The following TARS3 variants were observed in gnomAD, a reference collection of about 807,000 sequenced individuals.
The protein encoded by TARS3 is threonyl-tRNA synthetase 3.
In TARS3, 94 loss-of-function variants were observed where a neutral mutation model predicts 103.5. That is an observed-to-expected ratio of 0.91 (90% CI 0.77 to 1.08). The LOEUF (loss-of-function observed/expected upper bound fraction) is 1.08, where lower values mean the gene tolerates loss of function less well. TARS3 is among the 50% of genes least tolerant of loss of function. The pLI is 0.00. For synonymous variants in TARS3, 416 were observed against 355.4 expected, an observed-to-expected ratio of 1.17 and a Z score of -1.92; for missense variants, 952 against 995.2, an observed-to-expected ratio of 0.96 and a Z score of 0.58.
chr15:101,688,853 G>C (rs888429305), intron 10 of TARS3, among the ~76,000 whole-genome samples: 1 of 152,154 alleles, frequency 6.6e-6, no homozygotes, highest in Non-Finnish European at 1.5e-5. Flanking sequence ...TCTAGGCTTC[G>C]CATTACTAAG....
chr15:101,659,568 T>C (rs1379815045), intron 16 of TARS3, among the ~76,000 whole-genome samples: 1 of 152,188 alleles, frequency 6.6e-6, no homozygotes, highest in Non-Finnish European at 1.5e-5. Context: ...GAAGGCATGC[T>C]CAGTGCACTG....
chr15:101,672,411 C>T (rs369596341), intron 13 of TARS3, among the ~76,000 whole-genome samples: 5 of 152,316 alleles, frequency 3.3e-5, no homozygotes, highest in African/African-American at 1.2e-4. Flanking sequence ...AATCCAGCTT[C>T]CCTGGGAAGC....
intron 8 of TARS3, 96 bp from the exon 9 acceptor site, chr15:101,702,481 A>G (rs1336081456): frequency 9.3e-7 from 1 of 1,070,306 alleles, no homozygotes; most frequent in East Asian, 2.5e-5. Flanking sequence ...TATCATATCA[A>G]CAAAGCAGCC....
At chr15:101,660,603 A>G (rs1404333581) in intron 16 of TARS3, among the ~76,000 whole-genome samples, 1 of 152,260 alleles carries the variant, frequency 6.6e-6, no homozygotes, top group Admixed American at 6.5e-5. Context: ...TGCTCCTTAC[A>G]TGATGAAAGG....
Position 101,704,098 on chromosome 15 carries a change from T to A in TARS3, c.996-161A>T, listed in dbSNP as rs376301272. Among the ~76,000 whole-genome samples, 424 of 152,338 alleles carry A rather than the reference T, an allele frequency of 2.8e-3. 4 individuals carry two copies. Among genetic ancestry groups the A allele is most frequent in the African/African-American group, 9.6e-3 (400 of 41,578 alleles). On this transcript the variant is annotated intron_variant, in intron 7 of 18. Transcript: ENST00000335968. ...AAGGAGAGAGGTGATTCATCTAGCCTCAGAGTCCACTCTGCCCTCTAGATT... is the reference window on the plus strand; with the variant it reads ...AAGGAGAGAGGTGATTCATCTAGCCACAGAGTCCACTCTGCCCTCTAGATT...
At chr15:101,715,458 T>TA (rs1247975686) in intron 3 of TARS3, among the ~76,000 whole-genome samples, 6 of 152,086 alleles carry the variant, frequency 3.9e-5, no homozygotes, top group African/African-American at 1.2e-4. Context: ...ATTCACTGTT[T>TA]AAAAAAAACT....
At chr15:101,668,531 T>TA (rs1268182872) in intron 15 of TARS3, among the ~76,000 whole-genome samples, 1 of 152,158 alleles carries the variant, frequency 6.6e-6, no homozygotes, top group Non-Finnish European at 1.5e-5. Context: ...CTGCAAGAAT[T>TA]ACCTAAGTGT....
At chr15:101,656,615 T>C (rs1897205821) in intron 18 of TARS3, among the ~76,000 whole-genome samples, 1 of 152,228 alleles carries the variant, frequency 6.6e-6, no homozygotes, top group Non-Finnish European at 1.5e-5. Flanking sequence ...GGCTGAAATA[T>C]AAAGTATATA....
intron 16 of TARS3, among the ~76,000 whole-genome samples, chr15:101,659,327 A>G (rs964633387): frequency 1.4e-4 from 22 of 152,202 alleles, no homozygotes; most frequent in Admixed American, 2.6e-4. Context: ...TACAAACACA[A>G]AACAATACAT....
intron 8 of TARS3, among the ~76,000 whole-genome samples, chr15:101,702,746 G>C (rs1899346819): frequency 6.6e-6 from 1 of 152,096 alleles, no homozygotes; most frequent in African/African-American, 2.4e-5. Flanking sequence ...CTCCAACCTG[G>C]GTGACAATGC....
chr15:101,698,530 A>T (rs1899095549), intron 10 of TARS3, among the ~76,000 whole-genome samples: 1 of 152,166 alleles, frequency 6.6e-6, no homozygotes, highest in African/African-American at 2.4e-5. Flanking sequence ...ACCGGTAGAT[A>T]CCAGAATTTC....
chr15:101,693,203 C>A (rs1197108025), intron 10 of TARS3, among the ~76,000 whole-genome samples: 2 of 152,008 alleles, frequency 1.3e-5, no homozygotes, highest in Non-Finnish European at 2.9e-5. Context: ...AAAGACAAAC[C>A]CAAGACTGGG....
intron 3 of TARS3, among the ~76,000 whole-genome samples, chr15:101,718,853 T>C (rs1457910407): frequency 6.6e-6 from 1 of 152,204 alleles, no homozygotes; most frequent in Non-Finnish European, 1.5e-5. Flanking sequence ...TCATGGTAAT[T>C]GTATTGCCAA....
chr15:101,656,553 C>T (rs1897204206), intron 18 of TARS3, among the ~76,000 whole-genome samples: 1 of 152,104 alleles, frequency 6.6e-6, no homozygotes, highest in East Asian at 1.9e-4. Context: ...AGTTTAATCC[C>T]AAAGTTTCCT....
chr15:101,659,384 A>G (rs1398494426), intron 16 of TARS3, among the ~76,000 whole-genome samples: 1 of 152,208 alleles, frequency 6.6e-6, no homozygotes, highest in Non-Finnish European at 1.5e-5. Flanking sequence ...TGGCAACTAC[A>G]TATTTCCTTT....
intron 7 of TARS3, among the ~76,000 whole-genome samples, chr15:101,705,057 G>A (rs1899485818): frequency 6.6e-6 from 1 of 152,116 alleles, no homozygotes; most frequent in South Asian, 2.1e-4. Flanking sequence ...CAGATGGCCG[G>A]AACACACGGA....
At chr15:101,693,459 CT>C (rs1156243341) in intron 10 of TARS3, among the ~76,000 whole-genome samples, 2 of 152,152 alleles carry the variant, frequency 1.3e-5, no homozygotes, top group African/African-American at 4.8e-5. Context: ...GGCCCCACCC[CT>C]GACCCTTGGG....
At chr15:101,657,578 A>G (rs1025121778) in intron 17 of TARS3, among the ~76,000 whole-genome samples, 1 of 152,242 alleles carries the variant, frequency 6.6e-6, no homozygotes, top group African/African-American at 2.4e-5. Flanking sequence ...GTTTTAAAAT[A>G]CTAATTTCTC....
At chr15:101,670,007 T>G (rs983999799) in intron 15 of TARS3, among the ~76,000 whole-genome samples, 1 of 152,218 alleles carries the variant, frequency 6.6e-6, no homozygotes, top group Non-Finnish European at 1.5e-5. Context: ...TTGACCCAAA[T>G]GTCACATCTT....
Sources: allele counts gnomAD v4.1 joint callset (sites outside exome capture counted in the v4.1 genomes callset), GRCh38; gene constraint gnomAD v4.1.1; transcripts MANE v1.5; gene names NCBI Gene and HGNC (gene_info 2026-07-23, HGNC 2026-07-21).